MYO3B: variants seen among roughly 807,000 people sequenced by gnomAD.
MYO3B encodes myosin-IIIb.
A neutral mutation model predicts 174.6 loss-of-function variants in MYO3B; 156 were observed. That is an observed-to-expected ratio of 0.89 (90% CI 0.78 to 1.02). The LOEUF is 1.02. Ranked by LOEUF, MYO3B falls within the 50% of genes least tolerant of loss-of-function variation. The pLI is 0.00. For missense variants in MYO3B, 1,632 were observed against 1,639.4 expected, an observed-to-expected ratio of 1.00 and a Z score of 0.08; for synonymous variants, 563 against 569.1, an observed-to-expected ratio of 0.99 and a Z score of 0.15.
intron 7 of MYO3B, among the ~76,000 whole-genome samples, chr2:170,302,621 G>A (rs1467192931): frequency 5.3e-5 from 8 of 152,122 alleles, no homozygotes; most frequent in East Asian, 1.9e-4. Flanking sequence ...ATTCCAGTTC[G>A]TTCCAGTAAA....
chr2:170,462,935 C>T (rs772910881), intron 23 of MYO3B, among the ~76,000 whole-genome samples: 9 of 152,312 alleles, frequency 5.9e-5, no homozygotes, highest in Non-Finnish European at 1.0e-4. Context: ...CAGAGTCTGA[C>T]GACGTGGAAG....
rs745845545 is a variant in MYO3B at position 170,403,010 on chromosome 2, T to C, written c.2277+15T>C. On this transcript the variant is annotated intron_variant, in intron 19 of 34. Coordinates refer to ENST00000408978, the MANE Select transcript of MYO3B (RefSeq NM_138995.5). ...CTCTTGAGCAGGTAATAGTGAACTC[T>C]GAGGTAACTAAACTTGATGGGGAAA... The C allele has an allele frequency of 6.4e-7, 1 of 1,563,488 alleles. No individual in the cohort carries two copies. The highest frequency in any genetic ancestry group is 8.7e-7 in the Non-Finnish European group (1 of 1,143,894).
At chr2:170,312,981 T>TCCA (rs2093750106) in intron 7 of MYO3B, among the ~76,000 whole-genome samples, 1 of 152,236 alleles carries the variant, frequency 6.6e-6, no homozygotes, top group Non-Finnish European at 1.5e-5. Context: ...GGTGTTTTAT[T>TCCA]TTCTTAACCA....
At chr2:170,485,080 GTTTA>G (rs1685950369) in intron 25 of MYO3B, among the ~76,000 whole-genome samples, 1 of 151,902 alleles carries the variant, frequency 6.6e-6, no homozygotes, top group Admixed American at 6.6e-5. Flanking sequence ...TGGGAAAAGC[GTTTA>G]TTTCTTTGCC....
intron 24 of MYO3B, among the ~76,000 whole-genome samples, chr2:170,464,599 C>T (rs1684503624): frequency 1.3e-5 from 2 of 152,226 alleles, no homozygotes; most frequent in South Asian, 4.1e-4. Flanking sequence ...GCCAATTGTG[C>T]TTCAGAGGCA....
chr2:170,467,641 T>G (rs1185317796), intron 25 of MYO3B, among the ~76,000 whole-genome samples: 2 of 151,994 alleles, frequency 1.3e-5, no homozygotes, highest in Admixed American at 1.3e-4. Flanking sequence ...AAAAATACAT[T>G]GTAGAATCTG....
intron 32 of MYO3B, among the ~76,000 whole-genome samples, chr2:170,594,949 C>T (rs746225331): frequency 6.6e-6 from 1 of 151,896 alleles, no homozygotes; most frequent in Non-Finnish European, 1.5e-5. Context: ...CTGCTCTTGA[C>T]CCAGCTGAAT....
chr2:170,272,910 G>A (rs2093435791), intron 7 of MYO3B, among the ~76,000 whole-genome samples: 1 of 152,144 alleles, frequency 6.6e-6, no homozygotes, highest in South Asian at 2.1e-4. Context: ...AAATGTATTA[G>A]CTTGTGGATA....
intron 32 of MYO3B, among the ~76,000 whole-genome samples, chr2:170,622,964 G>C (rs1246798416): frequency 1.3e-5 from 2 of 152,126 alleles, no homozygotes; most frequent in African/African-American, 4.8e-5. Flanking sequence ...TCTTAATCCA[G>C]TCTATCATTG....
intron 32 of MYO3B, among the ~76,000 whole-genome samples, chr2:170,630,518 C>A (rs1358688970): frequency 6.6e-6 from 1 of 152,212 alleles, no homozygotes; most frequent in Non-Finnish European, 1.5e-5. Context: ...ATTTAAACGT[C>A]CCTGTGTGAC....
At chr2:170,406,937 A>C (rs529785051) in intron 21 of MYO3B, among the ~76,000 whole-genome samples, 8 of 152,206 alleles carry the variant, frequency 5.3e-5, no homozygotes, top group African/African-American at 1.9e-4. Flanking sequence ...GAGTACTTAA[A>C]GTGGTTGTGA....
chr2:170,500,137 C>T (rs1321035876), intron 27 of MYO3B, among the ~76,000 whole-genome samples: 1 of 152,060 alleles, frequency 6.6e-6, no homozygotes, highest in Non-Finnish European at 1.5e-5. Context: ...ATAAAACAAA[C>T]TGAGAAAGAC....
At chr2:170,455,176 C>T (rs1683839552) in intron 23 of MYO3B, among the ~76,000 whole-genome samples, 2 of 152,162 alleles carry the variant, frequency 1.3e-5, no homozygotes, top group Admixed American at 6.5e-5. Context: ...TTTGTTAGTC[C>T]TGCAAAGGCA....
At chr2:170,237,532 G>GT (rs1194451230) in intron 7 of MYO3B, among the ~76,000 whole-genome samples, 5 of 113,434 alleles carry the variant, frequency 4.4e-5, no homozygotes, top group East Asian at 2.2e-4. Flanking sequence ...TGTGTTTTTG[G>GT]CGGGGGGGAG....
chr2:170,460,946 G>T (rs1366403549), intron 23 of MYO3B, among the ~76,000 whole-genome samples: 3 of 152,144 alleles, frequency 2.0e-5, no homozygotes, highest in African/African-American at 7.2e-5. Context: ...TACACATCAA[G>T]GATTTTTTGG....
intron 30 of MYO3B, among the ~76,000 whole-genome samples, chr2:170,531,843 A>C (rs1050374655): frequency 3.3e-5 from 5 of 152,250 alleles, no homozygotes; most frequent in African/African-American, 9.6e-5. Flanking sequence ...ATAAAATATG[A>C]AATAATAAAG....
rs551124973 is a variant in MYO3B at position 170,381,928 on chromosome 2, T to C, written c.972-88T>C. 110 of 1,078,270 alleles carry C rather than the reference T, an allele frequency of 1.0e-4. No homozygotes were observed. In the South Asian group the frequency reaches 1.4e-3, roughly 14 times the overall value. The allele number at this position is 1,078,270 out of a possible 1,614,324, so 66.8% of individuals were successfully genotyped here. A position where few individuals can be genotyped will look rare whatever the true frequency, so the allele number is the denominator to read the frequency against. ...TGAAGTCTCTGAACATATCACGTGA[T>C]AAGATTGTGAATGAGCCATGCTTGC... is the stretch of plus-strand genomic sequence containing the variant. On this transcript the variant is annotated intron_variant, in intron 9 of 34. Transcript: ENST00000408978.
chr2:170,498,519 G>T, intron 25 of MYO3B, 73 bp from the exon 26 acceptor site: 1 of 985,094 alleles, frequency 1.0e-6, no homozygotes, highest in Non-Finnish European at 1.6e-6. Flanking sequence ...GTGTGTCAAT[G>T]GTCCCGAGTA....
chr2:170,236,092 C>T lies in MYO3B; in HGVS notation c.705C>T (p.Pro235=). 3.1e-6 allele frequency: 5 copies of T among 1,614,090 alleles called. No individual in the cohort carries two copies. Among genetic ancestry groups the T allele is most frequent in the Non-Finnish European group, 4.2e-6 (5 of 1,180,024 alleles). The change falls in exon 7 of 35, where the codon CCC becomes CCT. Residue 235 remains proline (P), a synonymous_variant. Transcript: ENST00000408978. ...TAIELGDGDP[P]LFDMHPVKTL... ...TTGAACTGGGGGATGGAGACCCTCC[C>T]CTCTTTGACATGCATCCTGTGAAAA... is the stretch of plus-strand genomic sequence containing the variant.
Sources: gnomAD v4.1 joint callset for allele counts (sites outside exome capture counted in the v4.1 genomes callset) on GRCh38, gnomAD v4.1.1 for gene constraint, MANE v1.5 for transcripts, NCBI Gene and HGNC (gene_info 2026-07-23, HGNC 2026-07-21) for gene names.